Variants in GPC6 observed in about 807,000 individuals in gnomAD.
GPC6 encodes glypican 6, also known as glypican-6.
GPC6 carries 14 observed loss-of-function variants against 55.2 expected under a neutral mutation model. The observed-to-expected ratio is 0.25, with a 90% CI of 0.17 to 0.40. The LOEUF (loss-of-function observed/expected upper bound fraction) is 0.40. Ranked by LOEUF, GPC6 falls within the 10% of genes least tolerant of loss-of-function variation. The probability of loss-of-function intolerance (pLI) is 1.00; values close to 1 mark genes in which losing one functional copy is unlikely to be tolerated. For missense variants in GPC6, 641 were observed against 708.5 expected (o/e 0.90, Z 1.08); for synonymous variants, 278 against 259.6 (o/e 1.07, Z -0.68).
chr13:94,400,000 G>C (rs1223082547), intron 8 of GPC6, among the ~76,000 whole-genome samples: 4 of 152,184 alleles, frequency 2.6e-5, no homozygotes, highest in African/African-American at 4.8e-5. Flanking sequence ...GAATTAGTTG[G>C]TTTGGCTTTG....
At chr13:93,516,208 G>T (rs1183597570) in intron 1 of GPC6, among the ~76,000 whole-genome samples, 1 of 152,124 alleles carries the variant, frequency 6.6e-6, no homozygotes, top group Non-Finnish European at 1.5e-5. Flanking sequence ...CATCAAAAGA[G>T]AAATCTTCAC....
chr13:93,282,188 AT>A (rs1211558306), intron 1 of GPC6, among the ~76,000 whole-genome samples: 1 of 152,186 alleles, frequency 6.6e-6, no homozygotes, highest in Non-Finnish European at 1.5e-5. Context: ...ATATTTTTAC[AT>A]TGTTTTTCAT....
chr13:93,640,325 G>A (rs182234605), intron 2 of GPC6, among the ~76,000 whole-genome samples: 18 of 152,152 alleles, frequency 1.2e-4, no homozygotes, highest in South Asian at 8.3e-4. Context: ...CAAGTATTGC[G>A]TGCTTACTAT....
intron 1 of GPC6, among the ~76,000 whole-genome samples, chr13:93,349,930 A>G (rs1386783416): frequency 6.6e-6 from 1 of 152,214 alleles, no homozygotes; most frequent in Non-Finnish European, 1.5e-5. Flanking sequence ...GTTAAATGCT[A>G]ACTGATAAAA....
At chr13:93,805,539 A>T (rs1281960412) in intron 2 of GPC6, among the ~76,000 whole-genome samples, 1 of 152,204 alleles carries the variant, frequency 6.6e-6, no homozygotes, top group East Asian at 1.9e-4. Flanking sequence ...ATCATATACT[A>T]CATTTTAATA....
intron 1 of GPC6, among the ~76,000 whole-genome samples, chr13:93,516,496 C>T (rs1881197068): frequency 1.3e-5 from 2 of 152,024 alleles, no homozygotes; most frequent in Admixed American, 1.3e-4. Context: ...TGGAAACAAG[C>T]TGTGAATACA....
intron 4 of GPC6, among the ~76,000 whole-genome samples, chr13:94,279,483 A>T (rs1892310139): frequency 6.6e-6 from 1 of 150,934 alleles, no homozygotes; most frequent in African/African-American, 2.4e-5. Flanking sequence ...GCCTTCTCCT[A>T]GCTTTTGGAT....
At chr13:93,394,040 A>G (rs1875752181) in intron 1 of GPC6, among the ~76,000 whole-genome samples, 1 of 152,318 alleles carries the variant, frequency 6.6e-6, no homozygotes, top group East Asian at 1.9e-4. Flanking sequence ...TATGCTGTTT[A>G]GTCATGTTCT....
intron 2 of GPC6, among the ~76,000 whole-genome samples, chr13:93,771,611 T>C (rs1021605913): frequency 2.0e-5 from 3 of 151,972 alleles, no homozygotes; most frequent in African/African-American, 7.3e-5. Flanking sequence ...ATAAAGTAAA[T>C]ACCTAATGCT....
chr13:93,948,197 T>G (rs1443644043), intron 3 of GPC6, among the ~76,000 whole-genome samples: 1 of 152,212 alleles, frequency 6.6e-6, no homozygotes, highest in African/African-American at 2.4e-5. Flanking sequence ...ATTTTAACTG[T>G]CAACTGTGTA....
At chr13:93,303,620 T>C (rs1011386243) in intron 1 of GPC6, among the ~76,000 whole-genome samples, 13 of 152,132 alleles carry the variant, frequency 8.5e-5, no homozygotes, top group Admixed American at 5.2e-4. Flanking sequence ...TAGTAGATGA[T>C]ACAACAGGTA....
chr13:93,942,764 G>T (rs779891759), intron 3 of GPC6, among the ~76,000 whole-genome samples: 2 of 151,904 alleles, frequency 1.3e-5, no homozygotes, highest in Non-Finnish European at 2.9e-5. Context: ...AGCTCTTTAG[G>T]GATCTACATA....
At chr13:93,966,693 C>G (rs1880061440) in intron 3 of GPC6, among the ~76,000 whole-genome samples, 2 of 142,876 alleles carry the variant, frequency 1.4e-5, no homozygotes, top group Admixed American at 7.2e-5. Flanking sequence ...CACTGTCGCC[C>G]AGGCTGAAGT....
At chr13:93,247,624 A>G (rs568067820) in intron 1 of GPC6, among the ~76,000 whole-genome samples, 1 of 152,300 alleles carries the variant, frequency 6.6e-6, no homozygotes, top group East Asian at 1.9e-4. Context: ...TATGACCGCA[A>G]TAAAGAATAT....
intron 3 of GPC6, among the ~76,000 whole-genome samples, chr13:93,889,169 G>A (rs1875514956): frequency 6.6e-6 from 1 of 152,022 alleles, no homozygotes; most frequent in Admixed American, 6.6e-5. Flanking sequence ...TGATGTGGGT[G>A]GCTTATGAAA....
At chr13:93,482,071 C>A (rs987211711) in intron 1 of GPC6, among the ~76,000 whole-genome samples, 1 of 152,060 alleles carries the variant, frequency 6.6e-6, no homozygotes, top group Non-Finnish European at 1.5e-5. Flanking sequence ...TTATTTAGGT[C>A]TTTAATTTAG....
intron 1 of GPC6, among the ~76,000 whole-genome samples, chr13:93,389,279 C>T (rs1214611839): frequency 2.0e-5 from 3 of 151,730 alleles, no homozygotes; most frequent in African/African-American, 7.3e-5. Context: ...AGGCAGATCA[C>T]GAGGTCAGGA....
intron 3 of GPC6, among the ~76,000 whole-genome samples, chr13:93,870,745 C>T (rs897026662): frequency 2.0e-5 from 3 of 151,710 alleles, no homozygotes; most frequent in African/African-American, 4.8e-5. Flanking sequence ...ATGGAGAAGA[C>T]GACAATCTAC....
intron 1 of GPC6, among the ~76,000 whole-genome samples, chr13:93,353,574 A>AAGAGAG (rs746292225): frequency 6.6e-5 from 10 of 152,230 alleles, no homozygotes; most frequent in Non-Finnish European, 4.4e-5. Flanking sequence ...GGTGTTTAAG[A>AAGAGAG]AGAAGCCAGC....
Sources: gnomAD v4.1 joint callset for allele counts (sites outside exome capture counted in the v4.1 genomes callset) on GRCh38, gnomAD v4.1.1 for gene constraint, MANE v1.5 for transcripts, NCBI Gene and HGNC (gene_info 2026-07-23, HGNC 2026-07-21) for gene names.